ZNF267: variants seen among roughly 807,000 people sequenced by gnomAD.
ZNF267 encodes zinc finger (C2H2).
Under a neutral mutation model 71.6 loss-of-function variants are expected in ZNF267, and 61 were observed. That is an observed-to-expected ratio of 0.85 (90% CI 0.69 to 1.05). The LOEUF is 1.05. Ranked by LOEUF, ZNF267 falls within the 50% of genes least tolerant of loss-of-function variation. ZNF267 has a pLI of 0.00. For synonymous variants in ZNF267, 288 were observed against 293.2 expected (o/e 0.98, Z 0.18); for missense variants, 852 against 870.0 (o/e 0.98, Z 0.26).
At chr16:31,904,931 TC>T (rs1328256154) in intron 3 of ZNF267, among the ~76,000 whole-genome samples, 1 of 152,216 alleles carries the variant, frequency 6.6e-6, no homozygotes, top group Non-Finnish European at 1.5e-5. Flanking sequence ...TACCGGTTGT[TC>T]CTTTCCATGT....
rs780316943 is a variant in ZNF267 at position 31,885,268 on chromosome 16, C to T, written c.226+12C>T. 23 of 1,598,904 alleles carry T rather than the reference C, an allele frequency of 1.4e-5. No homozygotes were observed. The highest frequency in any genetic ancestry group is 2.2e-4 in the Middle Eastern group (1 of 4,602). On this transcript the variant is annotated intron_variant, in intron 3 of 3. Coordinates refer to ENST00000300870, the MANE Select transcript of ZNF267 (RefSeq NM_003414.6). Reference sequence around the variant, plus strand: ...AGCCATCCAGCCAGGTAGGTGGGAGCGAATGAAGTAGATGACATGGGCGAG... The same window carrying T: ...AGCCATCCAGCCAGGTAGGTGGGAGTGAATGAAGTAGATGACATGGGCGAG...
chr16:31,888,741 T>G (rs2083940333), intron 3 of ZNF267, among the ~76,000 whole-genome samples: 1 of 152,076 alleles, frequency 6.6e-6, no homozygotes, highest in African/African-American at 2.4e-5. Context: ...GAATTTTTGC[T>G]TGTATCTTTA....
At chr16:31,878,083 ACT>A (rs2083864750) in intron 1 of ZNF267, among the ~76,000 whole-genome samples, 1 of 151,718 alleles carries the variant, frequency 6.6e-6, no homozygotes, top group Non-Finnish European at 1.5e-5. Flanking sequence ...GCCTGCGCTG[ACT>A]CTGCGTGGTG....
chr16:31,883,510 G>A (rs1194721168), intron 1 of ZNF267, among the ~76,000 whole-genome samples: 1 of 152,096 alleles, frequency 6.6e-6, no homozygotes, highest in Non-Finnish European at 1.5e-5. Flanking sequence ...TGAACATTCT[G>A]TTAAGGTTGT....
chr16:31,881,670 CTTTTTT>C lies in ZNF267; in HGVS notation c.4-2813_4-2808del, dbSNP rs747627467. Reference sequence around the variant, plus strand: ...ATAATGAGAAATTCTTTTTCTTCTTCTTTTTTTTTTTTTTTTTTTTGAGACCGAATC... The same window carrying C: ...ATAATGAGAAATTCTTTTTCTTCTTCTTTTTTTTTTTTTTGAGACCGAATC... On this transcript the variant is annotated intron_variant, in intron 1 of 3. Coordinates refer to ENST00000300870, the MANE Select transcript of ZNF267 (RefSeq NM_003414.6). Among the ~76,000 whole-genome samples the C allele has an allele frequency of 3.2e-5, 4 of 125,512 alleles. No individual in the cohort carries two copies. The East Asian group carries it at 8.9e-4, about 28-fold the overall frequency. 82.3% of individuals were successfully genotyped at this position (125,512 alleles called of 152,430 possible). A position where few individuals can be genotyped will look rare whatever the true frequency, so the allele number is the denominator to read the frequency against.
rs771129055 is a variant in ZNF267, at chr16:31,915,329, C to A, written c.1080C>A (p.Asn360Lys). The change falls in exon 4 of 4, where the codon AAC (asparagine) becomes AAA (lysine). Residue 360 changes from asparagine (N) to lysine (K), a missense_variant. Coordinates refer to ENST00000300870, the MANE Select transcript of ZNF267 (RefSeq NM_003414.6). ...GGAAAGAATGTGGCAAGGTCTTTAA[C>A]CTTAACTGTAGTTTATACCTTACTA... Reference protein sequence around the residue: ...CKWKECGKVFNLNCSLYLTKQ... With the variant: ...CKWKECGKVFKLNCSLYLTKQ... 21 of 1,613,660 alleles carry A rather than the reference C, an allele frequency of 1.3e-5. 2 individuals carry two copies. Among genetic ancestry groups the A allele is most frequent in the Admixed American group, 8.3e-5 (5 of 59,986 alleles).
At chr16:31,880,657 C>T (rs537450309) in intron 1 of ZNF267, among the ~76,000 whole-genome samples, 2 of 152,278 alleles carry the variant, frequency 1.3e-5, no homozygotes, top group South Asian at 4.1e-4. Flanking sequence ...AGGCTGACAA[C>T]GGGCTAATCT....
chr16:31,887,241 G>A (rs2083930134), intron 3 of ZNF267, among the ~76,000 whole-genome samples: 1 of 146,250 alleles, frequency 6.8e-6, no homozygotes, highest in Non-Finnish European at 1.5e-5. Flanking sequence ...GCAAATTTTT[G>A]TCAGATTTAC....
chr16:31,882,649 C>A (rs776477096), intron 1 of ZNF267, among the ~76,000 whole-genome samples: 1 of 152,182 alleles, frequency 6.6e-6, no homozygotes, highest in Non-Finnish European at 1.5e-5. Flanking sequence ...GTTTGAAGAT[C>A]TATGGTCACC....
rs1390055551 is a variant in ZNF267 at position 31,917,314 on chromosome 16, G to GT, written c.*836dup. The GT allele has an allele frequency of 6.7e-6, 1 of 149,292 alleles. No homozygotes were observed. The highest frequency in any genetic ancestry group is 1.5e-5 in the Non-Finnish European group (1 of 67,578). 9.2% of individuals were successfully genotyped at this position (149,292 alleles called of 1,614,324 possible). A position where few individuals can be genotyped will look rare whatever the true frequency, so the allele number is the denominator to read the frequency against. On this transcript the variant is annotated 3_prime_UTR_variant, in exon 4 of 4. Coordinates refer to ENST00000300870, the MANE Select transcript of ZNF267 (RefSeq NM_003414.6). ...TAGTAATGCATGTAAACATATACGTGTTTAGAGCTCTTTTCTATATTAAAG... is the reference window on the plus strand; with the variant it reads ...TAGTAATGCATGTAAACATATACGTGTTTTAGAGCTCTTTTCTATATTAAAG...
chr16:31,905,615 G>A (rs918184691), intron 3 of ZNF267, among the ~76,000 whole-genome samples: 6 of 152,116 alleles, frequency 3.9e-5, no homozygotes, highest in African/African-American at 7.2e-5. Flanking sequence ...CGTAGTTCGT[G>A]TGCCTTGGTT....
intron 3 of ZNF267, among the ~76,000 whole-genome samples, chr16:31,907,579 G>A (rs2084101632): frequency 1.3e-5 from 2 of 152,142 alleles, no homozygotes; most frequent in South Asian, 4.2e-4. Context: ...GTTTAGTTGT[G>A]TTCTCCTTTA....
chr16:31,902,354 G>T (rs2084048614), intron 3 of ZNF267, among the ~76,000 whole-genome samples: 1 of 152,006 alleles, frequency 6.6e-6, no homozygotes, highest in Non-Finnish European at 1.5e-5. Context: ...GCTTGATGGG[G>T]ATGGCATTGA....
At chr16:31,902,786 C>A (rs1215907344) in intron 3 of ZNF267, among the ~76,000 whole-genome samples, 1 of 152,122 alleles carries the variant, frequency 6.6e-6, no homozygotes, top group East Asian at 1.9e-4. Context: ...CCCTTTATTT[C>A]CTTCTCCTGC....
intron 3 of ZNF267, among the ~76,000 whole-genome samples, chr16:31,900,019 C>T (rs1169486521): frequency 1.3e-5 from 2 of 151,908 alleles, no homozygotes; most frequent in African/African-American, 2.4e-5. Context: ...CACATACACA[C>T]ACACAATGTG....
rs184064355 is a variant in ZNF267, at chr16:31,886,052, C to G, written c.226+796C>G. ...TATCATTCTATAATTTTGTCTGGTT[C>G]AGTATGAAGCTTACTGAGAATGTGT... is the stretch of plus-strand genomic sequence containing the variant. On this transcript the variant is annotated intron_variant, in intron 3 of 3. Transcript: ENST00000300870. 4.2e-4 allele frequency among the ~76,000 whole-genome samples: 64 copies of G among 152,254 alleles called. No homozygotes were observed. In the East Asian group the frequency reaches 0.01, roughly 25 times the overall value.
At chr16:31,887,536 T>C (rs1271699009) in intron 3 of ZNF267, among the ~76,000 whole-genome samples, 3 of 152,198 alleles carry the variant, frequency 2.0e-5, no homozygotes, top group Non-Finnish European at 4.4e-5. Flanking sequence ...TGGTTTTGCA[T>C]TTAAGTGTTA....
In ZNF267 at chr16:31,916,061, T is replaced by C. The variant is rs1338659126; in HGVS notation, c.1812T>C (p.Tyr604=). 2 of 1,613,964 alleles carry C rather than the reference T, an allele frequency of 1.2e-6. No individual in the cohort carries two copies. The highest frequency in any genetic ancestry group is 2.7e-5 in the African/African-American group (2 of 74,924). ...HRRTHTGEKP[Y]TCKECGKAFS... ...GAACTCATACTGGAGAGAAACCCTA[T>C]ACATGTAAAGAATGTGGCAAAGCCT... The change falls in exon 4 of 4, where the codon TAT becomes TAC. Residue 604 remains tyrosine (Y), a synonymous_variant. Coordinates refer to ENST00000300870, the MANE Select transcript of ZNF267 (RefSeq NM_003414.6).
chr16:31,874,117 C>T (rs2083834730), intron 1 of ZNF267, 148 bp downstream of exon 1: 2 of 843,800 alleles, frequency 2.4e-6, no homozygotes. Flanking sequence ...GGCCCTCGGT[C>T]CCCTCCGCTG....
Sources: allele counts gnomAD v4.1 joint callset (sites outside exome capture counted in the v4.1 genomes callset), GRCh38; gene constraint gnomAD v4.1.1; transcripts MANE v1.5; gene names NCBI Gene and HGNC (gene_info 2026-07-23, HGNC 2026-07-21).